Variants in PTPRT observed in about 807,000 individuals in gnomAD.
PTPRT encodes protein tyrosine phosphatase receptor type T, also known as receptor-type tyrosine-protein phosphatase T.
Under a neutral mutation model 176.8 loss-of-function variants are expected in PTPRT, and 56 were observed. The ratio of observed to expected loss-of-function variants is 0.32; its 90% CI spans 0.26 to 0.40. The LOEUF is 0.40. PTPRT is among the 10% of genes least tolerant of loss of function. The probability of loss-of-function intolerance (pLI) is 1.00; values close to 1 mark genes in which losing one functional copy is unlikely to be tolerated. For missense variants in PTPRT, 1,540 were observed against 1,908.2 expected, an observed-to-expected ratio of 0.81 and a Z score of 3.60; for synonymous variants, 783 against 739.0, an observed-to-expected ratio of 1.06 and a Z score of -0.96.
chr20:43,050,399 T>C (rs1986996875), intron 1 of PTPRT, among the ~76,000 whole-genome samples: 1 of 152,212 alleles, frequency 6.6e-6, no homozygotes, highest in Non-Finnish European at 1.5e-5. Context: ...CCAGCTTAGC[T>C]ACTAAAGGCC....
chr20:42,218,016 G>C (rs1268297521), intron 15 of PTPRT, among the ~76,000 whole-genome samples: 1 of 152,240 alleles, frequency 6.6e-6, no homozygotes, highest in Non-Finnish European at 1.5e-5. Flanking sequence ...GGTGGGATTT[G>C]AGCCTAGCTC....
intron 7 of PTPRT, among the ~76,000 whole-genome samples, chr20:42,527,769 T>A (rs2072304797): frequency 6.6e-6 from 1 of 152,218 alleles, no homozygotes; most frequent in Admixed American, 6.5e-5. Flanking sequence ...GAATTTGGAA[T>A]GAATTTTCTT....
intron 7 of PTPRT, among the ~76,000 whole-genome samples, chr20:42,516,204 T>C (rs2072063803): frequency 6.6e-6 from 1 of 151,206 alleles, no homozygotes; most frequent in African/African-American, 2.4e-5. Flanking sequence ...TGTATACATA[T>C]GTAACTAACC....
intron 15 of PTPRT, among the ~76,000 whole-genome samples, chr20:42,222,531 A>G (rs1208872494): frequency 6.6e-6 from 1 of 151,842 alleles, no homozygotes; most frequent in Non-Finnish European, 1.5e-5. Flanking sequence ...GGGTCTTAAG[A>G]CCTTCCTCTG....
At chr20:43,157,199 C>CA (rs3032106) in intron 1 of PTPRT, among the ~76,000 whole-genome samples, 7,604 of 143,304 alleles carry the variant, frequency 0.053, 362 homozygotes, top group African/African-American at 0.13. Flanking sequence ...ACTAAAAATA[C>CA]AAAAAAAAAA....
chr20:42,349,462 C>T lies in PTPRT; in HGVS notation c.1865+1166G>A, dbSNP rs142715049. Among the ~76,000 whole-genome samples, 19 of 152,296 alleles carry T rather than the reference C, an allele frequency of 1.2e-4. No individual in the cohort carries two copies. The East Asian group carries it at 2.7e-3, about 22-fold the overall frequency. ...TGAGCTCTTATGCGTATCTCCACAA[C>T]GACACACTGTACTGTAATTATGTTT... is the stretch of plus-strand genomic sequence containing the variant. On this transcript the variant is annotated intron_variant, in intron 11 of 30. Transcript: ENST00000373187.
chr20:42,420,092 T>A (rs1205648326), intron 9 of PTPRT, among the ~76,000 whole-genome samples: 1 of 152,186 alleles, frequency 6.6e-6, no homozygotes, highest in Non-Finnish European at 1.5e-5. Context: ...AGAATGAATG[T>A]CTGCTGTCTA....
intron 1 of PTPRT, among the ~76,000 whole-genome samples, chr20:43,153,736 GGGA>G (rs1259940023): frequency 6.6e-6 from 1 of 152,212 alleles, no homozygotes; most frequent in Admixed American, 6.5e-5. Context: ...TTCTGTTTAT[GGGA>G]GGAGTTCTGT....
intron 1 of PTPRT, among the ~76,000 whole-genome samples, chr20:43,128,389 C>A (rs560862907): frequency 9.2e-5 from 14 of 152,348 alleles, no homozygotes; most frequent in African/African-American, 2.9e-4. Flanking sequence ...TATCCTATCT[C>A]ATATTACAAA....
chr20:42,045,895 T>C, the PTPRT span, among the ~76,000 whole-genome samples: 2 of 152,232 alleles, frequency 1.3e-5, no homozygotes, highest in Non-Finnish European at 2.9e-5. Context: ...AAGGTAGTCA[T>C]TGAAATCATC....
intron 6 of PTPRT, among the ~76,000 whole-genome samples, chr20:42,754,352 T>A (rs753048376): frequency 2.0e-5 from 3 of 152,134 alleles, no homozygotes; most frequent in African/African-American, 7.2e-5. Context: ...CACCCAGCTA[T>A]TTTTTGTATT....
chr20:42,653,205 A>T (rs1470907032), intron 7 of PTPRT, among the ~76,000 whole-genome samples: 1 of 152,066 alleles, frequency 6.6e-6, no homozygotes, highest in Non-Finnish European at 1.5e-5. Flanking sequence ...CTTTTCCCCC[A>T]CTTGCCCTAC....
At chr20:42,180,707 C>A (rs1170832033) in intron 16 of PTPRT, among the ~76,000 whole-genome samples, 1 of 152,182 alleles carries the variant, frequency 6.6e-6, no homozygotes, top group Non-Finnish European at 1.5e-5. Context: ...TACACTCTAA[C>A]CTCTGAAGAG....
intron 1 of PTPRT, chr20:43,063,338 A>C (rs2146256822): frequency 6.6e-6 from 1 of 152,292 alleles, no homozygotes. Flanking sequence ...ATGTGAGGGC[A>C]ATCTGGCTGC....
chr20:42,109,336 G>A (rs1451969160), intron 23 of PTPRT, among the ~76,000 whole-genome samples: 1 of 152,100 alleles, frequency 6.6e-6, no homozygotes, highest in African/African-American at 2.4e-5. Context: ...GGGAAGGAGG[G>A]GGATGCCAGC....
intron 1 of PTPRT, among the ~76,000 whole-genome samples, chr20:42,898,044 TATAG>T (rs1308728436): frequency 1.3e-5 from 2 of 152,184 alleles, no homozygotes; most frequent in Non-Finnish European, 2.9e-5. Context: ...TCATATCCCT[TATAG>T]ATCATCAGGG....
chr20:42,482,348 G>A (rs2071402061), intron 7 of PTPRT, among the ~76,000 whole-genome samples: 1 of 152,170 alleles, frequency 6.6e-6, no homozygotes, highest in African/African-American at 2.4e-5. Context: ...GCCAGTCTGG[G>A]TGTTACACAT....
intron 1 of PTPRT, among the ~76,000 whole-genome samples, chr20:43,164,873 G>A (rs1039913534): frequency 7.9e-5 from 12 of 152,098 alleles, no homozygotes; most frequent in Non-Finnish European, 1.2e-4. Context: ...ACCTTTCTTA[G>A]TTCACAGGCC....
chr20:42,566,228 C>A (rs965051278), intron 7 of PTPRT, among the ~76,000 whole-genome samples: 1 of 152,206 alleles, frequency 6.6e-6, no homozygotes, highest in South Asian at 2.1e-4. Context: ...CTCAACCTCT[C>A]GGGCTGAAGT....
Sources: gnomAD v4.1 joint callset for allele counts (sites outside exome capture counted in the v4.1 genomes callset) on GRCh38, gnomAD v4.1.1 for gene constraint, MANE v1.5 for transcripts, NCBI Gene and HGNC (gene_info 2026-07-23, HGNC 2026-07-21) for gene names.